Variants in COPB1 observed in about 807,000 individuals in gnomAD.
COPB1 encodes coatomer subunit beta.
In COPB1, 21 loss-of-function variants were observed where a neutral mutation model predicts 108.7. That is an observed-to-expected ratio of 0.19 (90% CI 0.14 to 0.28). COPB1 has a LOEUF of 0.28. COPB1 is among the 10% of genes least tolerant of loss of function. COPB1 has a pLI of 1.00. For synonymous variants in COPB1, 378 were observed against 386.8 expected (o/e 0.98, Z 0.27); for missense variants, 919 against 1,141.3 (o/e 0.81, Z 2.81).
At chr11:14,485,501 T>C (rs1252353621) in intron 7 of COPB1, among the ~76,000 whole-genome samples, 1 of 152,136 alleles carries the variant, frequency 6.6e-6, no homozygotes, top group Non-Finnish European at 1.5e-5. Flanking sequence ...AAAACTTAAC[T>C]ACTAATAACC....
Position 14,479,587 on chromosome 11 carries a change from T to C in COPB1, c.1340A>G (p.His447Arg), listed in dbSNP as rs773092894. ...LIVEKMLEVF[H>R]AIKSVKIYRG... ...AACCTACTTGACAGATTTAATAGCATGAAAGACTTCAAGCATCTTCTCAAC... is the reference window on the plus strand; with the variant it reads ...AACCTACTTGACAGATTTAATAGCACGAAAGACTTCAAGCATCTTCTCAAC... The change falls in exon 11 of 22, where the codon CAT (histidine) becomes CGT (arginine). Residue 447 changes from histidine (H) to arginine (R), a missense_variant. This residue lies in a region of COPB1 where 705 missense variants were observed against 817.8 expected (regional missense o/e 0.86). Coordinates refer to ENST00000439561, the MANE Select transcript of COPB1 (RefSeq NM_001144061.2). 6.2e-7 allele frequency: 1 copy of C among 1,609,130 alleles called. No homozygotes were observed. Among genetic ancestry groups the C allele is most frequent in the South Asian group, 1.1e-5 (1 of 89,996 alleles).
chr11:14,491,426 T>C (rs905380939), intron 4 of COPB1, among the ~76,000 whole-genome samples: 1 of 152,088 alleles, frequency 6.6e-6, no homozygotes, highest in Non-Finnish European at 1.5e-5. Context: ...TCCCAGCACT[T>C]TGAGAGGCCC....
At chr11:14,487,569 G>A (rs1458954294) in intron 6 of COPB1, among the ~76,000 whole-genome samples, 2 of 152,062 alleles carry the variant, frequency 1.3e-5, no homozygotes, top group Non-Finnish European at 1.5e-5. Flanking sequence ...CAGCTACTCA[G>A]GAGGCTGAGG....
At chr11:14,473,671 A>T (rs192729647) in intron 14 of COPB1, among the ~76,000 whole-genome samples, 1 of 152,286 alleles carries the variant, frequency 6.6e-6, no homozygotes, top group African/African-American at 2.4e-5. Flanking sequence ...AACATTAAAG[A>T]TCACTGATAA....
At position 14,488,575 on chromosome 11, in the gene COPB1, A is replaced by G; in HGVS notation, c.616T>C (p.Leu206=). The G allele has an allele frequency of 6.2e-7, 1 of 1,600,714 alleles. No individual in the cohort carries two copies. Among genetic ancestry groups the G allele is most frequent in the Non-Finnish European group, 8.5e-7 (1 of 1,171,910 alleles). The change falls in exon 6 of 22, where the codon TTG becomes CTG. Residue 206 remains leucine, a synonymous_variant. Coordinates refer to ENST00000439561, the MANE Select transcript of COPB1 (RefSeq NM_001144061.2). ...MLIHADQDRA[L]DYLSTCIDQV... ...TCAATGCAAGTACTTAAGTAATCCA[A>G]AGCTCGATCCTAAAAAAAATAAGAA...
At chr11:14,491,343 C>T (rs1850897557) in intron 4 of COPB1, among the ~76,000 whole-genome samples, 3 of 152,106 alleles carry the variant, frequency 2.0e-5, no homozygotes, top group Admixed American at 6.5e-5. Context: ...CCACCACGCC[C>T]GGCCTGCTTT....
intron 15 of COPB1, among the ~76,000 whole-genome samples, 200 bp downstream of exon 15, chr11:14,469,136 A>C (rs574402396): frequency 6.6e-6 from 1 of 152,232 alleles, no homozygotes; most frequent in South Asian, 2.1e-4. Flanking sequence ...CTGGAATGAC[A>C]GGCACATACC....
At chr11:14,471,276 A>G (rs1850396502) in intron 14 of COPB1, among the ~76,000 whole-genome samples, 1 of 152,206 alleles carries the variant, frequency 6.6e-6, no homozygotes, top group East Asian at 1.9e-4. Flanking sequence ...CAGTGAGATT[A>G]TAAGCAACCA....
chr11:14,457,944 C>G (rs1436302846), intron 21 of COPB1, 61 bp from the exon 22 acceptor site: 10 of 1,003,310 alleles, frequency 1.0e-5, no homozygotes, highest in Non-Finnish European at 1.5e-5. Context: ...GTAGGTTATT[C>G]CATATTATTA....
chr11:14,483,262 C>CACACA, intron 7 of COPB1, 111 bp from the exon 8 acceptor site: 1 of 552,648 alleles, frequency 1.8e-6, no homozygotes, highest in Non-Finnish European at 2.9e-6. Context: ...ACACACACTC[C>CACACA]CATGAAGCCA....
chr11:14,482,403 T>A (rs894793436), intron 8 of COPB1, among the ~76,000 whole-genome samples: 10 of 152,202 alleles, frequency 6.6e-5, no homozygotes, highest in Non-Finnish European at 1.0e-4. Flanking sequence ...CCTTTTATTC[T>A]CAATTGGTAT....
chr11:14,468,980 C>T (rs1275236411), intron 15 of COPB1, 120 bp from the exon 16 acceptor site: 4 of 843,980 alleles, frequency 4.7e-6, no homozygotes, highest in Non-Finnish European at 3.7e-6. Context: ...CAAGAAAACC[C>T]ACAAAGCACT....
chr11:14,494,263 G>C lies in COPB1; in HGVS notation c.268C>G (p.Pro90Ala). The change falls in exon 3 of 22, where the codon CCA becomes GCA. Residue 90 changes from proline (P) to alanine (A), a missense_variant. Pro to Ala is a conservative substitution (Grantham distance 27, BLOSUM62 -1). Coordinates refer to ENST00000439561, the MANE Select transcript of COPB1 (RefSeq NM_001144061.2). ...ATCTCATGTAAAAGTCTCCCATCTG[G>C]AGTTGTTTTAGGAACAATTTCCCAA... ...VFWEIVPKTTPDGRLLHEMIL... is the reference protein window; with the variant it reads ...VFWEIVPKTTADGRLLHEMIL... 1 of 1,613,564 alleles carries C rather than the reference G, an allele frequency of 6.2e-7. No individual in the cohort carries two copies. The highest frequency in any genetic ancestry group is 8.5e-7 in the Non-Finnish European group (1 of 1,179,764).
intron 17 of COPB1, 92 bp from the exon 18 acceptor site, chr11:14,465,122 CCTTAAATGTATGCAG>C: frequency 7.1e-7 from 1 of 1,412,012 alleles, no homozygotes; most frequent in Admixed American, 2.4e-5. Context: ...AACCATAAAA[CCTTAAATGTATGCAG>C]CTTAATAGTT....
chr11:14,465,062 TACACACACACACACACACACACACAC>T (rs3835110), intron 17 of COPB1, 32 bp from the exon 18 acceptor site: 18 of 1,112,146 alleles, frequency 1.6e-5, no homozygotes, highest in East Asian at 3.0e-5. Context: ...TGGTTAAAAA[TACACACACACACACACACACACACAC>T]ACACACACAC....
intron 2 of COPB1, among the ~76,000 whole-genome samples, chr11:14,496,242 T>C (rs985585814): frequency 6.6e-5 from 10 of 152,174 alleles, no homozygotes; most frequent in African/African-American, 2.4e-4. Flanking sequence ...AATCATTACT[T>C]TGGAAAGCAT....
At chr11:14,465,714 T>A (rs1358529575) in intron 17 of COPB1, among the ~76,000 whole-genome samples, 1 of 152,204 alleles carries the variant, frequency 6.6e-6, no homozygotes, top group African/African-American at 2.4e-5. Context: ...CCCCTTGATA[T>A]CTTGAAGTTC....
chr11:14,473,154 T>C (rs1465606441), intron 14 of COPB1, among the ~76,000 whole-genome samples: 1 of 152,058 alleles, frequency 6.6e-6, no homozygotes, highest in African/African-American at 2.4e-5. Context: ...TTTGTATTTT[T>C]AGTAGAGACA....
chr11:14,468,098 T>C (rs1010913194), intron 16 of COPB1, among the ~76,000 whole-genome samples: 1 of 152,202 alleles, frequency 6.6e-6, no homozygotes, highest in African/African-American at 2.4e-5. Flanking sequence ...GTAATATTAT[T>C]GATATCAATT....
Sources: allele counts gnomAD v4.1 joint callset (sites outside exome capture counted in the v4.1 genomes callset), GRCh38; gene constraint gnomAD v4.1.1; regional missense constraint gnomAD v4.1.1; transcripts MANE v1.5; gene names NCBI Gene and HGNC (gene_info 2026-07-23, HGNC 2026-07-21).